MAP3K4: variants seen among roughly 807,000 people sequenced by gnomAD.
The protein encoded by MAP3K4 is mitogen-activated protein kinase kinase kinase 4, also known as MAP three kinase 1.
Under a neutral mutation model 185.6 loss-of-function variants are expected in MAP3K4, and 67 were observed. The observed-to-expected ratio is 0.36, with a 90% CI of 0.30 to 0.44. The LOEUF (loss-of-function observed/expected upper bound fraction) is 0.44, where lower values mean the gene tolerates loss of function less well. Among genes scored for constraint, MAP3K4 ranks in the 20% least tolerant of loss-of-function variants. The pLI is 1.00. For missense variants in MAP3K4, 1,551 were observed against 1,995.1 expected (o/e 0.78, Z 4.24); for synonymous variants, 702 against 710.4 (o/e 0.99, Z 0.19).
chr6:161,081,047 C>T lies in MAP3K4; in HGVS notation c.2255+9C>T. ...GCCGGGAAGCTTTTCTGGTAGGAAT[C>T]CTTGTGCTTCTGAACGCGACGCTCC... On this transcript the variant is annotated intron_variant, in intron 6 of 26. Coordinates refer to ENST00000392142, the MANE Select transcript of MAP3K4 (RefSeq NM_005922.4). 2.5e-6 allele frequency: 4 copies of T among 1,613,190 alleles called. No individual in the cohort carries two copies. The highest frequency in any genetic ancestry group is 3.4e-6 in the Non-Finnish European group (4 of 1,179,642).
intron 2 of MAP3K4, among the ~76,000 whole-genome samples, chr6:161,039,196 G>A (rs1783321927): frequency 6.8e-6 from 1 of 147,472 alleles, no homozygotes; most frequent in Admixed American, 7.0e-5. Context: ...ACTGCTACAT[G>A]CATTCATTGT....
Position 161,116,713 on chromosome 6 carries a change from TTGCCCTCTGTGCCCAGTACAG to T in MAP3K4, c.4807-133_4807-113del. 1.4e-6 allele frequency: 1 copy of T among 691,462 alleles called. No individual in the cohort carries two copies. The highest frequency in any genetic ancestry group is 1.8e-5 in the South Asian group (1 of 55,332). 42.8% of individuals were successfully genotyped at this position (691,462 alleles called of 1,614,324 possible). A position where few individuals can be genotyped will look rare whatever the true frequency, so the allele number is the denominator to read the frequency against. ...CATTGTTCATTACATTTCTTAAGCC[TTGCCCTCTGTGCCCAGTACAG>T]TGCTGGGAGCATCAGGATGAGTGGA... On this transcript the variant is annotated intron_variant, in intron 26 of 26. Transcript: ENST00000392142. The surrounding 1 kb of genome is among the most constrained non-coding windows in gnomAD (Gnocchi z 6.2).
rs908735473 is a variant in MAP3K4, at chr6:160,999,913, C to T, written c.152+7830C>T. Among the ~76,000 whole-genome samples the T allele has an allele frequency of 6.6e-5, 10 of 152,136 alleles. No homozygotes were observed. The East Asian group carries it at 1.9e-3, about 29-fold the overall frequency. On this transcript the variant is annotated intron_variant, in intron 1 of 26. Coordinates refer to ENST00000392142, the MANE Select transcript of MAP3K4 (RefSeq NM_005922.4). ...TCCTCTTAAAACTCATCATCCACAA[C>T]GTTTTTCCCCCGTGAAACTTTTATT...
rs1158860648 is a variant in MAP3K4, at chr6:161,071,548, C to T, written c.1950+698C>T. 1.3e-5 allele frequency among the ~76,000 whole-genome samples: 2 copies of T among 152,062 alleles called. No individual in the cohort carries two copies. Among genetic ancestry groups the T allele is most frequent in the African/African-American group, 2.4e-5 (1 of 41,392 alleles). On this transcript the variant is annotated intron_variant, in intron 4 of 26. Coordinates refer to ENST00000392142, the MANE Select transcript of MAP3K4 (RefSeq NM_005922.4). This position sits in a 1 kb window ranked among gnomAD's most constrained non-coding sequence, Gnocchi z 4.6. ...AGGGATTGGAGGGCTAAGAGCTACC[C>T]GGCTCTGTGAATGGTAAGACAAAGC...
At position 161,090,434 on chromosome 6, in the gene MAP3K4, G is replaced by A. The variant is rs150763851; in HGVS notation, c.2974-945G>A. On this transcript the variant is annotated intron_variant, in intron 11 of 26. Transcript: ENST00000392142. ...TCTTGGTCGTGGAGGGCCGTCCTGCGCATTGTAGGATGTTTAGAGCTAGGG... is the reference window on the plus strand; with the variant it reads ...TCTTGGTCGTGGAGGGCCGTCCTGCACATTGTAGGATGTTTAGAGCTAGGG... 5.4e-3 allele frequency among the ~76,000 whole-genome samples: 815 copies of A among 149,762 alleles called. 4 individuals carry two copies. The highest frequency in any genetic ancestry group is 8.7e-3 in the Non-Finnish European group (585 of 67,516).
intron 3 of MAP3K4, among the ~76,000 whole-genome samples, chr6:161,050,311 G>GA (rs1783943673): frequency 1.3e-5 from 2 of 152,164 alleles, no homozygotes; most frequent in Non-Finnish European, 2.9e-5. Flanking sequence ...TGTGAGTCAG[G>GA]AAAAAAGTCC....
At chr6:160,999,535 A>G (rs117954213) in intron 1 of MAP3K4, among the ~76,000 whole-genome samples, 1 of 152,146 alleles carries the variant, frequency 6.6e-6, no homozygotes, top group Non-Finnish European at 1.5e-5. Context: ...CTTCCTAGCC[A>G]TTGCTTATAG....
rs533724397 is a variant in MAP3K4, at chr6:161,070,365, C to A, written c.1708-243C>A. On this transcript the variant is annotated intron_variant, in intron 3 of 26. Coordinates refer to ENST00000392142, the MANE Select transcript of MAP3K4 (RefSeq NM_005922.4). This position sits in a 1 kb window ranked among gnomAD's most constrained non-coding sequence, Gnocchi z 4.5. ...TCTTTTTCTAATATACTTCTTTGAT[C>A]AAAGTATTGCAATTTGGTTTTGGTT... Among the ~76,000 whole-genome samples, 2 of 152,248 alleles carry A rather than the reference C, an allele frequency of 1.3e-5. No homozygotes were observed. Among genetic ancestry groups the A allele is most frequent in the Non-Finnish European group, 2.9e-5 (2 of 68,020 alleles).
Position 161,106,400 on chromosome 6 carries a change from A to G in MAP3K4, c.3857-114A>G. 1.5e-6 allele frequency: 1 copy of G among 679,368 alleles called. No individual in the cohort carries two copies. The highest frequency in any genetic ancestry group is 2.7e-5 in the East Asian group (1 of 36,674). The allele number at this position is 679,368 out of a possible 1,614,324, so 42.1% of individuals were successfully genotyped here. ...CTGCTGTTTATCTGAATAGATAATA[A>G]GCTTTGCTGTAATGGAGTGCTAATA... On this transcript the variant is annotated intron_variant, in intron 19 of 26. Transcript: ENST00000392142. The surrounding 1 kb of genome is among the most constrained non-coding windows in gnomAD (Gnocchi z 4.9).
In MAP3K4 at chr6:161,116,613, G is replaced by C. The variant is rs147290205; in HGVS notation, c.4807-237G>C. 6.6e-6 allele frequency among the ~76,000 whole-genome samples: 1 copy of C among 152,164 alleles called. No individual in the cohort carries two copies. The highest frequency in any genetic ancestry group is 2.1e-4 in the South Asian group (1 of 4,832). On this transcript the variant is annotated intron_variant, in intron 26 of 26. Transcript: ENST00000392142. This position sits in a 1 kb window ranked among gnomAD's most constrained non-coding sequence, Gnocchi z 6.2. Reference sequence around the variant, plus strand: ...TAACAATTTATATTGACCTGAGAGTGCATATAGGCGTTTTAGAAAATGCTT... The same window carrying C: ...TAACAATTTATATTGACCTGAGAGTCCATATAGGCGTTTTAGAAAATGCTT...
intron 1 of MAP3K4, among the ~76,000 whole-genome samples, chr6:161,006,296 G>C (rs528265292): frequency 6.6e-6 from 1 of 152,228 alleles, no homozygotes; most frequent in South Asian, 2.1e-4. Flanking sequence ...CTGGCCTTTC[G>C]TATCTGTGGG....
intron 5 of MAP3K4, among the ~76,000 whole-genome samples, chr6:161,079,043 G>T (rs968148231): frequency 6.6e-6 from 1 of 151,762 alleles, no homozygotes; most frequent in South Asian, 2.1e-4. Context: ...GCAAAACCCC[G>T]TCTCTACTAA....
chr6:161,003,434 T>G (rs1338838442), intron 1 of MAP3K4, among the ~76,000 whole-genome samples: 2 of 152,214 alleles, frequency 1.3e-5, no homozygotes, highest in Non-Finnish European at 2.9e-5. Flanking sequence ...CACTTGATCT[T>G]TAGTTAGCAG....
intron 1 of MAP3K4, among the ~76,000 whole-genome samples, chr6:161,023,962 T>A (rs1782520844): frequency 6.6e-6 from 1 of 152,098 alleles, no homozygotes; most frequent in Non-Finnish European, 1.5e-5. Flanking sequence ...TTAATTTAAA[T>A]TTTCTCTCTT....
intron 1 of MAP3K4, among the ~76,000 whole-genome samples, chr6:161,001,086 ATATG>A (rs1334483218): frequency 3.7e-5 from 5 of 136,656 alleles, no homozygotes; most frequent in African/African-American, 8.2e-5. Flanking sequence ...TAATATACAC[ATATG>A]TATATAATAT....
chr6:161,039,804 A>G (rs1244011421), intron 2 of MAP3K4, among the ~76,000 whole-genome samples: 2 of 152,220 alleles, frequency 1.3e-5, no homozygotes, highest in African/African-American at 4.8e-5. Context: ...TCCAACATAT[A>G]ACTGCTCTTT....
At position 161,093,651 on chromosome 6, in the gene MAP3K4, A is replaced by C. The variant is rs979622689; in HGVS notation, c.3349-122A>C. ...TTTATACCTATTTTCTTTTAAACTA[A>C]CTGAAAATATTTTGGGTAGCATGTT... On this transcript the variant is annotated intron_variant, in intron 14 of 26. Transcript: ENST00000392142. This position sits in a 1 kb window ranked among gnomAD's most constrained non-coding sequence, Gnocchi z 5.2. 4.6e-5 allele frequency: 28 copies of C among 602,442 alleles called. No homozygotes were observed. The highest frequency in any genetic ancestry group is 4.2e-4 in the African/African-American group (22 of 52,810). The allele number at this position is 602,442 out of a possible 1,614,324, so 37.3% of individuals were successfully genotyped here.
rs1212928303 is a variant in MAP3K4, at chr6:161,049,061, G to A, written c.789G>A (p.Leu263=). ...SGFWLNRSNE[L]IWLELQAWHA... is the part of the protein sequence containing the mutation. ...TCTGGCTTAACCGATCTAACGAACT[G>A]ATCTGGTTAGAGCTACAAGCCTGGC... is the stretch of plus-strand genomic sequence containing the variant. The change falls in exon 3 of 27, where the codon CTG becomes CTA. Residue 263 remains leucine, a synonymous_variant. Transcript: ENST00000392142. This position sits in a 1 kb window ranked among gnomAD's most constrained non-coding sequence, Gnocchi z 8.4. The A allele has an allele frequency of 1.9e-6, 3 of 1,613,750 alleles. No homozygotes were observed. Among genetic ancestry groups the A allele is most frequent in the Non-Finnish European group, 2.5e-6 (3 of 1,179,744 alleles).
At chr6:161,002,589 CTTT>C (rs34733206) in intron 1 of MAP3K4, among the ~76,000 whole-genome samples, 1 of 106,472 alleles carries the variant, frequency 9.4e-6, no homozygotes, top group African/African-American at 3.7e-5. Flanking sequence ...ATAGTTTTGG[CTTT>C]TTTTTTTTTT....
Sources: gnomAD v4.1 joint callset for allele counts (sites outside exome capture counted in the v4.1 genomes callset) on GRCh38, gnomAD v4.1.1 for gene constraint, Gnocchi (gnomAD v3.1) non-coding constraint, MANE v1.5 for transcripts, NCBI Gene and HGNC (gene_info 2026-07-23, HGNC 2026-07-21) for gene names.